ASTN2: variants seen among roughly 807,000 people sequenced by gnomAD.
ASTN2 encodes astrotactin 2.
ASTN2 carries 54 observed loss-of-function variants against 139.8 expected under a neutral mutation model. The observed-to-expected ratio is 0.39, with a 90% CI of 0.31 to 0.48. The LOEUF is 0.48. ASTN2 is among the 20% of genes least tolerant of loss of function. ASTN2 has a pLI of 0.95. For missense variants in ASTN2, 1,565 were observed against 1,725.1 expected (o/e 0.91, Z 1.64); for synonymous variants, 756 against 719.5 (o/e 1.05, Z -0.81).
chr9:116,614,555 CG>C (rs1013721615), intron 19 of ASTN2, among the ~76,000 whole-genome samples: 2 of 151,986 alleles, frequency 1.3e-5, no homozygotes, highest in African/African-American at 4.8e-5. Flanking sequence ...ATAGAGCCCC[CG>C]GAAACAATAC....
chr9:117,304,312 C>T (rs1160006513), intron 1 of ASTN2, among the ~76,000 whole-genome samples: 2 of 152,210 alleles, frequency 1.3e-5, no homozygotes, highest in Admixed American at 6.5e-5. Context: ...GGCTTTCCTG[C>T]TCTGTGCGTG....
intron 19 of ASTN2, among the ~76,000 whole-genome samples, chr9:116,550,774 G>A (rs1852307532): frequency 6.6e-6 from 1 of 152,178 alleles, no homozygotes; most frequent in Non-Finnish European, 1.5e-5. Context: ...GATCCAACCT[G>A]ATGCAGGTGG....
intron 16 of ASTN2, among the ~76,000 whole-genome samples, chr9:116,654,551 G>A (rs1858101622): frequency 6.6e-6 from 1 of 152,058 alleles, no homozygotes; most frequent in African/African-American, 2.4e-5. Flanking sequence ...TTCATAAAAT[G>A]GATTTCAAAA....
intron 4 of ASTN2, among the ~76,000 whole-genome samples, chr9:117,131,674 T>A (rs1829831185): frequency 6.6e-6 from 1 of 152,186 alleles, no homozygotes; most frequent in South Asian, 2.1e-4. Context: ...ACCCCCATTA[T>A]CTTAACTCAA....
intron 3 of ASTN2, among the ~76,000 whole-genome samples, chr9:117,144,604 T>C (rs992972028): frequency 6.7e-6 from 1 of 149,678 alleles, no homozygotes; most frequent in Non-Finnish European, 1.5e-5. Context: ...GGATGACAGT[T>C]CCTCAGTAAG....
intron 18 of ASTN2, 56 bp downstream of exon 18, chr9:116,620,254 G>C: frequency 6.2e-7 from 1 of 1,612,522 alleles, no homozygotes; most frequent in Non-Finnish European, 8.5e-7. Context: ...TGGCAGGACA[G>C]GAGTGTGAGT....
intron 11 of ASTN2, among the ~76,000 whole-genome samples, chr9:116,838,101 G>GTGT (rs1832062581): frequency 7.5e-6 from 1 of 134,138 alleles, no homozygotes; most frequent in Non-Finnish European, 1.6e-5. Flanking sequence ...GCCTGGCTGT[G>GTGT]TTTTTTTTTG....
chr9:116,996,672 A>G (rs776542985), intron 7 of ASTN2, among the ~76,000 whole-genome samples: 2 of 152,164 alleles, frequency 1.3e-5, no homozygotes, highest in Non-Finnish European at 2.9e-5. Flanking sequence ...TACATTGGCT[A>G]GAAGAAATGA....
chr9:116,610,319 T>C (rs1170907028), intron 19 of ASTN2, among the ~76,000 whole-genome samples: 1 of 152,152 alleles, frequency 6.6e-6, no homozygotes, highest in Non-Finnish European at 1.5e-5. Flanking sequence ...AAAAGTAAAG[T>C]GATGGCTGCG....
At chr9:116,663,604 C>T (rs1373643128) in intron 16 of ASTN2, among the ~76,000 whole-genome samples, 11 of 152,252 alleles carry the variant, frequency 7.2e-5, no homozygotes, top group Admixed American at 7.2e-4. Context: ...TGTAACTCTG[C>T]TGCTAGGGGC....
chr9:116,576,276 T>C (rs1853719589), intron 19 of ASTN2, among the ~76,000 whole-genome samples: 1 of 152,138 alleles, frequency 6.6e-6, no homozygotes, highest in African/African-American at 2.4e-5. Flanking sequence ...GTTTCACATA[T>C]CTCTCATGAC....
At chr9:117,259,753 T>C (rs1210064169) in intron 2 of ASTN2, among the ~76,000 whole-genome samples, 1 of 152,158 alleles carries the variant, frequency 6.6e-6, no homozygotes, top group African/African-American at 2.4e-5. Context: ...CCCTAAAATG[T>C]ATAAAAGCAA....
chr9:117,164,332 T>C (rs1830620578), intron 3 of ASTN2, among the ~76,000 whole-genome samples: 1 of 152,078 alleles, frequency 6.6e-6, no homozygotes, highest in African/African-American at 2.4e-5. Flanking sequence ...TGAAGAACCC[T>C]TTGGCCCTGT....
chr9:116,578,007 C>T (rs1253294722), intron 19 of ASTN2, among the ~76,000 whole-genome samples: 1 of 152,046 alleles, frequency 6.6e-6, no homozygotes, highest in African/African-American at 2.4e-5. Context: ...ATAAACCACA[C>T]TAAGAAACGG....
chr9:117,118,050 A>G (rs1230687712), intron 4 of ASTN2, among the ~76,000 whole-genome samples: 1 of 152,212 alleles, frequency 6.6e-6, no homozygotes, highest in Non-Finnish European at 1.5e-5. Context: ...GTTCAAAGGG[A>G]TTCACTGACC....
chr9:116,494,827 T>C (rs1849621386), intron 19 of ASTN2, among the ~76,000 whole-genome samples: 1 of 152,182 alleles, frequency 6.6e-6, no homozygotes, highest in South Asian at 2.1e-4. Flanking sequence ...GCACCCAAAG[T>C]CTGTGCCTTT....
chr9:116,874,366 T>G (rs1416099288), intron 10 of ASTN2, among the ~76,000 whole-genome samples: 1 of 152,182 alleles, frequency 6.6e-6, no homozygotes, highest in Non-Finnish European at 1.5e-5. Flanking sequence ...GCTTCCTGCA[T>G]GCCTAGAGTC....
intron 2 of ASTN2, among the ~76,000 whole-genome samples, chr9:117,223,192 T>A (rs770697822): frequency 1.3e-5 from 2 of 151,940 alleles, no homozygotes; most frequent in Non-Finnish European, 2.9e-5. Context: ...ACCATTGAGG[T>A]AGATTTTAAC....
chr9:117,135,231 G>A (rs191936878), intron 4 of ASTN2, among the ~76,000 whole-genome samples: 1 of 152,350 alleles, frequency 6.6e-6, no homozygotes, highest in Admixed American at 6.5e-5. Flanking sequence ...GCTCCACTAT[G>A]TACTAGTTGA....
Sources: gnomAD v4.1 joint callset for allele counts (sites outside exome capture counted in the v4.1 genomes callset) on GRCh38, gnomAD v4.1.1 for gene constraint, MANE v1.5 for transcripts, NCBI Gene and HGNC (gene_info 2026-07-23, HGNC 2026-07-21) for gene names.